Variants in CTNND2 observed in about 807,000 individuals in gnomAD.
CTNND2 encodes catenin delta-2.
Under a neutral mutation model 144.4 loss-of-function variants are expected in CTNND2, and 22 were observed. The ratio of observed to expected loss-of-function variants is 0.15; its 90% CI spans 0.11 to 0.22. The LOEUF is 0.22. Among genes scored for constraint, CTNND2 ranks in the 10% least tolerant of loss-of-function variants. The pLI is 1.00. For missense variants in CTNND2, 1,353 were observed against 1,618.8 expected (o/e 0.84, Z 2.82); for synonymous variants, 751 against 695.6 (o/e 1.08, Z -1.25).
chr5:11,549,555 G>A (rs1775581152), intron 3 of CTNND2, among the ~76,000 whole-genome samples: 1 of 151,974 alleles, frequency 6.6e-6, no homozygotes. Flanking sequence ...ATATCCACAG[G>A]CTTTAAACAC....
At chr5:11,593,783 A>G (rs1036780391) in intron 2 of CTNND2, among the ~76,000 whole-genome samples, 1 of 152,190 alleles carries the variant, frequency 6.6e-6, no homozygotes, top group Admixed American at 6.5e-5. Context: ...CCCAGTCTCC[A>G]GTATTTCTTC....
intron 1 of CTNND2, among the ~76,000 whole-genome samples, chr5:11,734,431 T>C (rs1787567725): frequency 6.6e-6 from 1 of 152,188 alleles, no homozygotes. Context: ...TGACAGTGAA[T>C]AAGTCTCAAG....
chr5:11,662,137 GTA>G (rs953513958), intron 2 of CTNND2, among the ~76,000 whole-genome samples: 2 of 137,892 alleles, frequency 1.5e-5, no homozygotes, highest in Admixed American at 1.5e-4. Flanking sequence ...ATACATATAT[GTA>G]TATATACACA....
At chr5:11,381,359 C>T (rs958812597) in intron 7 of CTNND2, among the ~76,000 whole-genome samples, 4 of 152,154 alleles carry the variant, frequency 2.6e-5, no homozygotes, top group African/African-American at 7.2e-5. Flanking sequence ...ATGGGTTTAG[C>T]AAAGGCAGCA....
intron 1 of CTNND2, among the ~76,000 whole-genome samples, chr5:11,851,566 C>A (rs1357542999): frequency 2.0e-5 from 3 of 152,180 alleles, no homozygotes; most frequent in East Asian, 1.9e-4. Context: ...TAACACAGGG[C>A]CTGTTTGGAA....
chr5:11,830,213 C>T (rs556640628), intron 1 of CTNND2, among the ~76,000 whole-genome samples: 1 of 152,276 alleles, frequency 6.6e-6, no homozygotes, highest in Non-Finnish European at 1.5e-5. Flanking sequence ...GGACTTTCGA[C>T]TTGATCCTGA....
intron 12 of CTNND2, among the ~76,000 whole-genome samples, chr5:11,142,522 A>T (rs796476396): frequency 6.6e-6 from 1 of 151,948 alleles, no homozygotes; most frequent in African/African-American, 2.4e-5. Context: ...CCTCATTTTT[A>T]TAGTTCACTT....
chr5:11,207,966 G>A (rs1453410136), intron 10 of CTNND2, among the ~76,000 whole-genome samples: 1 of 151,926 alleles, frequency 6.6e-6, no homozygotes, highest in Non-Finnish European at 1.5e-5. Context: ...AAACCTTTTG[G>A]AATTAATTAG....
chr5:11,040,990 T>G (rs1744637645), intron 16 of CTNND2, among the ~76,000 whole-genome samples: 1 of 152,204 alleles, frequency 6.6e-6, no homozygotes, highest in South Asian at 2.1e-4. Flanking sequence ...AAGACAATTG[T>G]CTGTCTGAGA....
At chr5:11,887,696 TA>T (rs1736658883) in intron 1 of CTNND2, among the ~76,000 whole-genome samples, 1 of 152,196 alleles carries the variant, frequency 6.6e-6, no homozygotes, top group South Asian at 2.1e-4. Flanking sequence ...TAATTTTCCC[TA>T]AAGTTCTTTT....
intron 16 of CTNND2, among the ~76,000 whole-genome samples, chr5:11,039,598 T>G (rs1485177497): frequency 6.6e-6 from 1 of 152,184 alleles, no homozygotes; most frequent in Non-Finnish European, 1.5e-5. Context: ...CTGCCTGTTG[T>G]TTTAATTGAT....
intron 3 of CTNND2, among the ~76,000 whole-genome samples, chr5:11,552,331 T>C (rs80075363): frequency 0.033 from 5,001 of 152,264 alleles, 291 homozygotes; most frequent in African/African-American, 0.11. Context: ...ACTTACAATA[T>C]ACTTATAAAT....
intron 11 of CTNND2, among the ~76,000 whole-genome samples, chr5:11,189,103 C>T (rs1735983538): frequency 6.6e-6 from 1 of 152,120 alleles, no homozygotes; most frequent in African/African-American, 2.4e-5. Context: ...TATGAAATTT[C>T]ACTTATTGTC....
At chr5:11,112,695 C>T (rs1753124088) in intron 13 of CTNND2, among the ~76,000 whole-genome samples, 2 of 152,322 alleles carry the variant, frequency 1.3e-5, no homozygotes, top group East Asian at 1.9e-4. Flanking sequence ...CAGGAGATGG[C>T]ACAGTGCGGA....
chr5:11,001,216 A>G (rs958217342), intron 18 of CTNND2, among the ~76,000 whole-genome samples: 22 of 152,288 alleles, frequency 1.4e-4, no homozygotes, highest in African/African-American at 5.3e-4. Context: ...TCTACCTGTT[A>G]AATCTTATCC....
At chr5:11,208,723 A>G (rs1738309734) in intron 10 of CTNND2, among the ~76,000 whole-genome samples, 1 of 152,186 alleles carries the variant, frequency 6.6e-6, no homozygotes, top group African/African-American at 2.4e-5. Flanking sequence ...ATATTTATAT[A>G]CTACTGGGAA....
intron 11 of CTNND2, among the ~76,000 whole-genome samples, chr5:11,182,505 C>T (rs75960285): frequency 1.3e-5 from 2 of 152,062 alleles, no homozygotes; most frequent in Admixed American, 6.5e-5. Context: ...TCTCTTCCCC[C>T]ATCCATGTCT....
chr5:11,547,762 T>C (rs747816305), intron 3 of CTNND2, among the ~76,000 whole-genome samples: 2 of 152,228 alleles, frequency 1.3e-5, no homozygotes, highest in Non-Finnish European at 2.9e-5. Context: ...TTGCTGAATA[T>C]GTGCAGCAAT....
At chr5:11,799,023 T>G (rs1184635262) in intron 1 of CTNND2, among the ~76,000 whole-genome samples, 2 of 152,176 alleles carry the variant, frequency 1.3e-5, no homozygotes, top group Non-Finnish European at 2.9e-5. Context: ...CTGAAATACT[T>G]GAGGCTGAAT....
Sources: gnomAD v4.1 joint callset for allele counts (sites outside exome capture counted in the v4.1 genomes callset) on GRCh38, gnomAD v4.1.1 for gene constraint, MANE v1.5 for transcripts, NCBI Gene and HGNC (gene_info 2026-07-23, HGNC 2026-07-21) for gene names.